The following IMPDH1 variants were observed in gnomAD, a reference collection of about 807,000 sequenced individuals.
The protein encoded by IMPDH1 is inosine-5'-monophosphate dehydrogenase 1.
IMPDH1 carries 41 observed loss-of-function variants against 73.5 expected under a neutral mutation model. The observed-to-expected ratio is 0.56, with a 90% CI of 0.43 to 0.72. The LOEUF (loss-of-function observed/expected upper bound fraction) is 0.72, where lower values mean the gene tolerates loss of function less well. Ranked by LOEUF, IMPDH1 falls within the 30% of genes least tolerant of loss-of-function variation. The pLI, the probability that IMPDH1 is intolerant of heterozygous loss-of-function variation, is 0.00. For synonymous variants in IMPDH1, 318 were observed against 334.3 expected, an observed-to-expected ratio of 0.95 and a Z score of 0.53; for missense variants, 645 against 824.8, an observed-to-expected ratio of 0.78 and a Z score of 2.67.
In IMPDH1 at chr7:128,394,207, A is replaced by C; in HGVS notation, c.1778+71T>G. ...ATGGGGTCCCTGGAACCTCAGCTTG[A>C]CCTCAGAACCCTGGCCCCACCTGCC... is the stretch of plus-strand genomic sequence containing the variant. On this transcript the variant is annotated intron_variant, in intron 16 of 16. Transcript: ENST00000338791. This position sits in a 1 kb window ranked among gnomAD's most constrained non-coding sequence, Gnocchi z 5.5. 1 of 1,277,912 alleles carries C rather than the reference A, an allele frequency of 7.8e-7. No individual in the cohort carries two copies. Among genetic ancestry groups the C allele is most frequent in the Non-Finnish European group, 1.1e-6 (1 of 877,690 alleles). 79.2% of individuals were successfully genotyped at this position (1,277,912 alleles called of 1,614,324 possible).
At position 128,394,910 on chromosome 7, in the gene IMPDH1, C is replaced by T; in HGVS notation, c.1529G>A (p.Ser510Asn). The T allele has an allele frequency of 1.2e-6, 2 of 1,612,504 alleles. No homozygotes were observed. Among genetic ancestry groups the T allele is most frequent in the South Asian group, 2.2e-5 (2 of 91,044 alleles). ...GAACCTGAAGTATCGTTTCTGGCTGCTGCTGCTCTTCTCCATGGCATCCAG... is the reference window on the plus strand; with the variant it reads ...GAACCTGAAGTATCGTTTCTGGCTGTTGCTGCTCTTCTCCATGGCATCCAG... ...GSLDAMEKSS[S>N]SQKRYFSEGD... Residue 510 changes from serine to asparagine, a missense_variant, in exon 14 of 17, where the codon AGC becomes AAC. By Grantham distance (46) the Ser-to-Asn change is conservative (BLOSUM62 1). This residue lies in a region of IMPDH1 where 459 missense variants were observed against 638.2 expected (regional missense o/e 0.72). Transcript: ENST00000338791. The surrounding 1 kb of genome is among the most constrained non-coding windows in gnomAD (Gnocchi z 5.5).
At chr7:128,405,112 C>A (rs1798620420) in intron 4 of IMPDH1, among the ~76,000 whole-genome samples, 1 of 152,234 alleles carries the variant, frequency 6.6e-6, no homozygotes, top group African/African-American at 2.4e-5. Flanking sequence ...AGGCCTGCAG[C>A]ACGCAGGGCA....
Position 128,396,525 on chromosome 7 carries a change from G to A in IMPDH1, c.1261+75C>T. 8.9e-7 allele frequency: 1 copy of A among 1,129,912 alleles called. No individual in the cohort carries two copies. Among genetic ancestry groups the A allele is most frequent in the South Asian group, 1.3e-5 (1 of 75,796 alleles). The allele number at this position is 1,129,912 out of a possible 1,614,324, so 70.0% of individuals were successfully genotyped here. On this transcript the variant is annotated intron_variant, in intron 12 of 16. Coordinates refer to ENST00000338791, the MANE Select transcript of IMPDH1 (RefSeq NM_000883.4). The surrounding 1 kb of genome is among the most constrained non-coding windows in gnomAD (Gnocchi z 4.0). ...GGCAGAACAGGGCCTGGCAGAGAGA[G>A]TACTTGATATACATCTGGGGAACAA...
chr7:128,400,925 G>T (rs72624952), intron 6 of IMPDH1, 34 bp from the exon 7 acceptor site: 28,031 of 1,604,996 alleles, frequency 0.017, 312 homozygotes, highest in Non-Finnish European at 0.021. Context: ...CAGAGCCGGG[G>T]CCCATTCCTC....
intron 7 of IMPDH1, 88 bp from the exon 8 acceptor site, chr7:128,400,627 G>T: frequency 7.2e-7 from 1 of 1,386,692 alleles, no homozygotes; most frequent in Non-Finnish European, 1.0e-6. Flanking sequence ...ATGCAGCTGT[G>T]CTGCAGAGAA....
At position 128,394,281 on chromosome 7, in the gene IMPDH1, T is replaced by G. The variant is rs1380554774; in HGVS notation, c.1775A>C (p.His592Pro). The G allele has an allele frequency of 6.2e-7, 1 of 1,613,368 alleles. No individual in the cohort carries two copies. The highest frequency in any genetic ancestry group is 1.3e-5 in the African/African-American group (1 of 74,814). Residue 592 changes from histidine (H) to proline (P), a missense_variant, in exon 16 of 17, where the codon CAC becomes CCC. By Grantham distance (77) the His-to-Pro change is moderately conservative. Around this residue, in one of 2 missense-constraint regions of IMPDH1, gnomAD observed 459 missense variants for 638.2 expected, o/e 0.72. Transcript: ENST00000338791. The surrounding 1 kb of genome is among the most constrained non-coding windows in gnomAD (Gnocchi z 5.5). Reference protein sequence around the residue: ...AQIEGGVHGLHSYEKRLY With the variant: ...AQIEGGVHGLPSYEKRLY Reference sequence around the variant, plus strand: ...GCAAGGAGGCCACCACACTTACGAGTGCAGGCCATGGACACCACCCTCAAT... The same window carrying G: ...GCAAGGAGGCCACCACACTTACGAGGGCAGGCCATGGACACCACCCTCAAT...
At chr7:128,400,982 G>A (rs1256944024) in intron 6 of IMPDH1, 33 bp downstream of exon 6, 1 of 1,600,052 alleles carries the variant, frequency 6.2e-7, no homozygotes, top group Non-Finnish European at 8.6e-7. Context: ...GTTCCTGTGT[G>A]CCCTGGAGTC....
chr7:128,400,962 A>C, intron 6 of IMPDH1, 53 bp downstream of exon 6: 1 of 1,598,468 alleles, frequency 6.3e-7, no homozygotes, highest in Middle Eastern at 1.7e-4. Flanking sequence ...AGCACAGCCC[A>C]CCATGGTCAG....
At chr7:128,397,573 C>T (rs7802305) in intron 10 of IMPDH1, among the ~76,000 whole-genome samples, 52,591 of 151,964 alleles carry the variant, frequency 0.35, 9,159 homozygotes, top group East Asian at 0.36. Flanking sequence ...GTGCCAGTGA[C>T]CTTCCTAATT....
In IMPDH1 at chr7:128,404,261, T is replaced by C. The variant is rs549722848; in HGVS notation, c.354-507A>G. On this transcript the variant is annotated intron_variant, in intron 4 of 16. Transcript: ENST00000338791. ...GAGTCACACAGGGCTCGGAACAGCA[T>C]GGAGGGACCCCAGGGGGCTGAGTGC... Among the ~76,000 whole-genome samples, 4 of 152,194 alleles carry C rather than the reference T, an allele frequency of 2.6e-5. No individual in the cohort carries two copies. The South Asian group carries it at 8.3e-4, about 32-fold the overall frequency.
At position 128,400,501 on chromosome 7, in the gene IMPDH1, C is replaced by G. The variant is rs755756884; in HGVS notation, c.618G>C (p.Leu206=). The G allele has an allele frequency of 1.2e-6, 2 of 1,612,954 alleles. No homozygotes were observed. The highest frequency in any genetic ancestry group is 2.2e-5 in the South Asian group (2 of 91,024). ...CATCGCCCACAGTGTGCGAGGGGCT[C>G]AGCACCACAGGGTCCGTGATGAAGC... is the stretch of plus-strand genomic sequence containing the variant. The part of the protein sequence containing the change: ...EQGFITDPVV[L]SPSHTVGDVL... The change falls in exon 8 of 17, where the codon CTG becomes CTC. Residue 206 remains leucine (L), a synonymous_variant. Transcript: ENST00000338791.
chr7:128,401,677 A>G (rs1798348731), intron 5 of IMPDH1, among the ~76,000 whole-genome samples: 1 of 152,196 alleles, frequency 6.6e-6, no homozygotes, highest in Admixed American at 6.5e-5. Flanking sequence ...TGTTTCAAAA[A>G]GGTCACTCAG....
Position 128,405,716 on chromosome 7 carries a change from G to T in IMPDH1, c.353+51C>A, listed in dbSNP as rs752900566. On this transcript the variant is annotated intron_variant, in intron 4 of 16. Coordinates refer to ENST00000338791, the MANE Select transcript of IMPDH1 (RefSeq NM_000883.4). The stretch of plus-strand genomic sequence containing the variant: ...CGCGCACGTGCAGGGCCGGCCCGGG[G>T]GTCGCGGCGCGTGGATGCGCGCACC... The T allele has an allele frequency of 7.3e-6, 11 of 1,512,962 alleles. No homozygotes were observed. The East Asian group carries it at 3.0e-4, about 41-fold the overall frequency. 93.7% of individuals were successfully genotyped at this position (1,512,962 alleles called of 1,614,324 possible). A position where few individuals can be genotyped will look rare whatever the true frequency, so the allele number is the denominator to read the frequency against.
At chr7:128,409,179 C>A in intron 3 of IMPDH1, 110 bp downstream of exon 3, 2 of 968,552 alleles carry the variant, frequency 2.1e-6, no homozygotes, top group Non-Finnish European at 1.6e-6. Flanking sequence ...TCCCTCATTC[C>A]CCTACAGACC....
intron 6 of IMPDH1, 47 bp from the exon 7 acceptor site, chr7:128,400,938 C>T (rs1158474314): frequency 6.3e-7 from 1 of 1,599,534 alleles, no homozygotes; most frequent in Non-Finnish European, 8.6e-7. Flanking sequence ...CATTCCTCCT[C>T]AGCCCTGCCC....
rs1210952297 is a variant in IMPDH1, at chr7:128,396,095, G to A, written c.1261+505C>T. Among the ~76,000 whole-genome samples the A allele has an allele frequency of 6.6e-6, 1 of 152,122 alleles. No individual in the cohort carries two copies. Among genetic ancestry groups the A allele is most frequent in the African/African-American group, 2.4e-5 (1 of 41,402 alleles). ...CCCACAAGTCAGATACCAGCCTCCA[G>A]GGAGCACCTCCTCAATAACCACATG... On this transcript the variant is annotated intron_variant, in intron 12 of 16. Coordinates refer to ENST00000338791, the MANE Select transcript of IMPDH1 (RefSeq NM_000883.4). This position sits in a 1 kb window ranked among gnomAD's most constrained non-coding sequence, Gnocchi z 4.0.
chr7:128,409,551 C>G (rs1799000115), intron 1 of IMPDH1, 67 bp from the exon 2 acceptor site: 1 of 1,584,974 alleles, frequency 6.3e-7, no homozygotes, highest in Non-Finnish European at 8.7e-7. Flanking sequence ...AACGAAGCAC[C>G]TAACCCTTCG....
chr7:128,394,902 T>G lies in IMPDH1; in HGVS notation c.1537A>C (p.Lys513Gln). Reference sequence around the variant, plus strand: ...GGGTCAGGGAACCTGAAGTATCGTTTCTGGCTGCTGCTGCTCTTCTCCATG... The same window carrying G: ...GGGTCAGGGAACCTGAAGTATCGTTGCTGGCTGCTGCTGCTCTTCTCCATG... Reference protein sequence around the residue: ...DAMEKSSSSQKRYFSEGDKVK... With the variant: ...DAMEKSSSSQQRYFSEGDKVK... Residue 513 changes from lysine to glutamine, a missense_variant, in exon 14 of 17, where the codon AAA (lysine) becomes CAA (glutamine). This residue lies in a region of IMPDH1 where 459 missense variants were observed against 638.2 expected (regional missense o/e 0.72). Coordinates refer to ENST00000338791, the MANE Select transcript of IMPDH1 (RefSeq NM_000883.4). The surrounding 1 kb of genome is among the most constrained non-coding windows in gnomAD (Gnocchi z 5.5). 1 of 1,612,274 alleles carries G rather than the reference T, an allele frequency of 6.2e-7. No individual in the cohort carries two copies. Among genetic ancestry groups the G allele is most frequent in the East Asian group, 2.2e-5 (1 of 44,882 alleles).
In IMPDH1 at chr7:128,398,976, T is replaced by C. The variant is rs1798122997; in HGVS notation, c.875-363A>G. On this transcript the variant is annotated intron_variant, in intron 9 of 16. Transcript: ENST00000338791. The surrounding 1 kb of genome is among the most constrained non-coding windows in gnomAD (Gnocchi z 4.3). Reference sequence around the variant, plus strand: ...AGGGAGAAGCATGTGCCCTGTCCAATACAGACACCAAAGAACCCTCCAGTA... The same window carrying C: ...AGGGAGAAGCATGTGCCCTGTCCAACACAGACACCAAAGAACCCTCCAGTA... 6.6e-6 allele frequency among the ~76,000 whole-genome samples: 1 copy of C among 152,148 alleles called. No homozygotes were observed. Among genetic ancestry groups the C allele is most frequent in the Non-Finnish European group, 1.5e-5 (1 of 68,030 alleles).
Sources: allele counts gnomAD v4.1 joint callset (sites outside exome capture counted in the v4.1 genomes callset), GRCh38; gene constraint gnomAD v4.1.1; regional missense constraint gnomAD v4.1.1; non-coding constraint Gnocchi (gnomAD v3.1); transcripts MANE v1.5; gene names NCBI Gene and HGNC (gene_info 2026-07-23, HGNC 2026-07-21).